EYS: variants seen among roughly 807,000 people sequenced by gnomAD.
EYS encodes the protein EGF-like photoreceptor maintenance factor.
Under a neutral mutation model 282.1 loss-of-function variants are expected in EYS, and 250 were observed. The observed-to-expected ratio is 0.89, with a 90% CI of 0.80 to 0.98. The LOEUF (loss-of-function observed/expected upper bound fraction) is 0.98, where lower values mean the gene tolerates loss of function less well. Among genes scored for constraint, EYS ranks in the 50% least tolerant of loss-of-function variants. The pLI is 0.00. For missense variants in EYS, 4,016 were observed against 3,709.0 expected (o/e 1.08, Z -2.15); for synonymous variants, 1,355 against 1,282.9 (o/e 1.06, Z -1.20).
At chr6:65,519,518 G>T (rs1341308439) in intron 2 of EYS, among the ~76,000 whole-genome samples, 1 of 146,802 alleles carries the variant, frequency 6.8e-6, no homozygotes, top group Non-Finnish European at 1.5e-5. Context: ...ATCTATAAAG[G>T]TTAATATAAC....
At chr6:65,450,315 C>G (rs907590083) in intron 5 of EYS, among the ~76,000 whole-genome samples, 2 of 152,022 alleles carry the variant, frequency 1.3e-5, no homozygotes, top group African/African-American at 4.8e-5. Flanking sequence ...TAACTTTATC[C>G]TAGGTACAGG....
intron 31 of EYS, among the ~76,000 whole-genome samples, chr6:64,187,720 T>C (rs1259349112): frequency 2.6e-5 from 4 of 152,102 alleles, no homozygotes; most frequent in African/African-American, 7.2e-5. Context: ...CAGGAAGCAA[T>C]AGATATTGTT....
intron 22 of EYS, among the ~76,000 whole-genome samples, chr6:64,690,947 G>T (rs1300773224): frequency 6.6e-6 from 1 of 151,902 alleles, no homozygotes; most frequent in African/African-American, 2.4e-5. Flanking sequence ...CCTGCATGTT[G>T]TGCACATGTA....
intron 2 of EYS, among the ~76,000 whole-genome samples, chr6:65,572,791 T>A (rs1582471082): frequency 6.6e-6 from 1 of 152,306 alleles, no homozygotes; most frequent in Admixed American, 6.5e-5. Context: ...TATTTATATA[T>A]GTACTCCCCC....
At chr6:64,764,167 G>A (rs557576127) in intron 22 of EYS, among the ~76,000 whole-genome samples, 3 of 152,342 alleles carry the variant, frequency 2.0e-5, no homozygotes, top group South Asian at 2.1e-4. Context: ...CTATGTGGGG[G>A]CTCCAACCAC....
chr6:64,193,323 T>C (rs1388965304), intron 31 of EYS, among the ~76,000 whole-genome samples: 6 of 152,054 alleles, frequency 3.9e-5, no homozygotes, highest in African/African-American at 1.2e-4. Context: ...TTTTCTTTTT[T>C]TTTTGGAAAC....
Position 64,392,276 on chromosome 6 carries a change from C to A in EYS, c.5928-3436G>T, listed in dbSNP as rs1017480734. On this transcript the variant is annotated intron_variant, in intron 28 of 42. Coordinates refer to ENST00000503581, the MANE Select transcript of EYS (RefSeq NM_001142800.2). Reference sequence around the variant, plus strand: ...GAACTCAGCTCTGCACCAAGCAGACCTAATAGACATCTACAGAACTCTCCA... The same window carrying A: ...GAACTCAGCTCTGCACCAAGCAGACATAATAGACATCTACAGAACTCTCCA... 3.7e-4 allele frequency among the ~76,000 whole-genome samples: 55 copies of A among 148,430 alleles called. 1 individual carries two copies. The highest frequency in any genetic ancestry group is 1.3e-3 in the African/African-American group (53 of 39,348).
intron 5 of EYS, among the ~76,000 whole-genome samples, chr6:65,461,863 A>C (rs1368689621): frequency 6.6e-6 from 1 of 152,136 alleles, no homozygotes; most frequent in Non-Finnish European, 1.5e-5. Context: ...CAGTATTGCC[A>C]TTCCAAAAAA....
chr6:65,651,553 T>C (rs1767652727), intron 1 of EYS, among the ~76,000 whole-genome samples: 1 of 152,060 alleles, frequency 6.6e-6, no homozygotes, highest in Non-Finnish European at 1.5e-5. Flanking sequence ...CAAACTTAAA[T>C]TTTTAAAAGC....
chr6:63,788,209 C>T lies in EYS; in HGVS notation c.7619G>A (p.Arg2540Lys). ...ACTGAAGACATTGAGACCAACCAGT[C>T]TTCCTGGGGCGATAATGGATTTATT... is the stretch of plus-strand genomic sequence containing the variant. ...HKNKSIIAPGRLVGLNVFSQF... is the reference protein window; with the variant it reads ...HKNKSIIAPGKLVGLNVFSQF... Residue 2540 changes from arginine (R) to lysine (K), a missense_variant, in exon 39 of 43, where the codon AGA (arginine) becomes AAA (lysine). By Grantham distance (26) the Arg-to-Lys change is conservative. Coordinates refer to ENST00000503581, the MANE Select transcript of EYS (RefSeq NM_001142800.2). 6.5e-7 allele frequency: 1 copy of T among 1,544,350 alleles called. No individual in the cohort carries two copies. The highest frequency in any genetic ancestry group is 8.7e-7 in the Non-Finnish European group (1 of 1,144,962).
intron 40 of EYS, among the ~76,000 whole-genome samples, chr6:63,768,867 T>C (rs1187902052): frequency 6.6e-6 from 1 of 152,124 alleles, no homozygotes; most frequent in Non-Finnish European, 1.5e-5. Flanking sequence ...GTGGTACATA[T>C]ATACCATGGA....
At chr6:63,928,535 T>A (rs1764789335) in intron 35 of EYS, among the ~76,000 whole-genome samples, 1 of 151,866 alleles carries the variant, frequency 6.6e-6, no homozygotes, top group South Asian at 2.1e-4. Flanking sequence ...TGTGTGTGTG[T>A]GTGTGTGTGT....
intron 12 of EYS, among the ~76,000 whole-genome samples, chr6:65,220,242 G>T (rs542117366): frequency 1.3e-5 from 2 of 151,936 alleles, no homozygotes; most frequent in Admixed American, 1.3e-4. Context: ...TCCAGAAAAA[G>T]AAATATTGGA....
intron 29 of EYS, among the ~76,000 whole-genome samples, chr6:64,329,627 A>T (rs2150389573): frequency 6.6e-6 from 1 of 152,290 alleles, no homozygotes; most frequent in East Asian, 1.9e-4. Flanking sequence ...GCACTTACCC[A>T]GTGTGAATCT....
intron 29 of EYS, among the ~76,000 whole-genome samples, chr6:64,348,795 C>T (rs1484079150): frequency 6.6e-6 from 1 of 151,362 alleles, no homozygotes; most frequent in African/African-American, 2.4e-5. Context: ...AGGCTATTGA[C>T]AGCAGACATC....
intron 1 of EYS, among the ~76,000 whole-genome samples, chr6:65,676,532 C>A (rs183600510): frequency 4.6e-4 from 70 of 151,800 alleles, no homozygotes; most frequent in African/African-American, 1.7e-3. Flanking sequence ...TGTTAACAGG[C>A]ATATATCTAG....
intron 4 of EYS, 142 bp downstream of exon 4, chr6:65,494,521 T>C: frequency 1.5e-6 from 1 of 678,252 alleles, no homozygotes; most frequent in East Asian, 3.0e-5. Context: ...GACCTCGTGA[T>C]CCACCCACCT....
At chr6:65,512,119 A>C (rs1766899502) in intron 2 of EYS, among the ~76,000 whole-genome samples, 1 of 151,956 alleles carries the variant, frequency 6.6e-6, no homozygotes, top group Non-Finnish European at 1.5e-5. Flanking sequence ...TTTCTGTGAA[A>C]TTTTTCCCTA....
At chr6:65,099,642 G>T (rs1774838568) in intron 12 of EYS, among the ~76,000 whole-genome samples, 1 of 150,548 alleles carries the variant, frequency 6.6e-6, no homozygotes, top group Non-Finnish European at 1.5e-5. Context: ...AATTTCCAGG[G>T]TAATGGGAAA....
Sources: allele counts gnomAD v4.1 joint callset (sites outside exome capture counted in the v4.1 genomes callset), GRCh38; gene constraint gnomAD v4.1.1; transcripts MANE v1.5; gene names NCBI Gene and HGNC (gene_info 2026-07-23, HGNC 2026-07-21).